ENOX1: variants seen among roughly 807,000 people sequenced by gnomAD.
The protein encoded by ENOX1 is candidate growth-related and time keeping constitutive hydroquinone (NADH) oxidase.
Under a neutral mutation model 82.5 loss-of-function variants are expected in ENOX1, and 42 were observed. That is an observed-to-expected ratio of 0.51 (90% CI 0.40 to 0.66). The LOEUF (loss-of-function observed/expected upper bound fraction) is 0.66, where lower values mean the gene tolerates loss of function less well. Ranked by LOEUF, ENOX1 falls within the 30% of genes least tolerant of loss-of-function variation. The probability of loss-of-function intolerance (pLI) is 0.00; values close to 1 mark genes in which losing one functional copy is unlikely to be tolerated. For synonymous variants in ENOX1, 271 were observed against 282.2 expected (o/e 0.96, Z 0.40); for missense variants, 608 against 811.6 (o/e 0.75, Z 3.05).
chr13:43,265,322 T>C, intron 14 of ENOX1, 76 bp downstream of exon 14: 2 of 1,238,264 alleles, frequency 1.6e-6, no homozygotes, highest in Non-Finnish European at 2.3e-6. Context: ...CTTTATGTGG[T>C]AGATAAAGTG....
intron 2 of ENOX1, among the ~76,000 whole-genome samples, chr13:43,486,352 C>T (rs1407770): frequency 1.3e-3 from 205 of 151,876 alleles, no homozygotes; most frequent in African/African-American, 4.7e-3. Context: ...CCACTGCACT[C>T]GGGCCTGGGC....
chr13:43,254,404 T>A (rs2043630576), intron 14 of ENOX1, among the ~76,000 whole-genome samples: 1 of 152,236 alleles, frequency 6.6e-6, no homozygotes, highest in African/African-American at 2.4e-5. Context: ...CTTCTCTATG[T>A]GGTAATATCT....
chr13:43,398,637 C>T (rs1566118920), intron 5 of ENOX1, among the ~76,000 whole-genome samples: 1 of 152,060 alleles, frequency 6.6e-6, no homozygotes, highest in Non-Finnish European at 1.5e-5. Context: ...CCTTCCATCT[C>T]CTTCATTTCT....
intron 14 of ENOX1, among the ~76,000 whole-genome samples, chr13:43,237,202 G>A (rs968004416): frequency 1.3e-5 from 2 of 152,202 alleles, no homozygotes; most frequent in African/African-American, 4.8e-5. Flanking sequence ...TTTTTAAATT[G>A]AGTAGGTATG....
intron 14 of ENOX1, among the ~76,000 whole-genome samples, chr13:43,243,604 C>A (rs2042943484): frequency 6.6e-6 from 1 of 152,188 alleles, no homozygotes; most frequent in Non-Finnish European, 1.5e-5. Context: ...ACACCTTGAC[C>A]ATTTTAACCG....
rs2082017930 is a variant in ENOX1, at chr13:43,607,287, C to A, written c.-219+60192G>T. ...AAAAATCACAGAGTATTGGATTAGG[C>A]CAAAAGTGTGCATACAGAGTTTGTG... On this transcript the variant is annotated intron_variant, in intron 2 of 16. Transcript: ENST00000690772. 5.3e-5 allele frequency among the ~76,000 whole-genome samples: 8 copies of A among 152,090 alleles called. No homozygotes were observed. The South Asian group carries it at 1.7e-3, about 32-fold the overall frequency.
At chr13:43,574,251 T>C (rs1314527298) in intron 2 of ENOX1, among the ~76,000 whole-genome samples, 6 of 152,224 alleles carry the variant, frequency 3.9e-5, no homozygotes, top group Admixed American at 6.5e-5. Flanking sequence ...GTCAATCTGA[T>C]AGGAAAAAAC....
intron 8 of ENOX1, among the ~76,000 whole-genome samples, chr13:43,345,970 T>C (rs1469135438): frequency 6.6e-6 from 1 of 152,180 alleles, no homozygotes; most frequent in Non-Finnish European, 1.5e-5. Flanking sequence ...TAAACATACA[T>C]ACACTCCACA....
chr13:43,219,255 G>C (rs1392668808), intron 16 of ENOX1, among the ~76,000 whole-genome samples: 1 of 152,144 alleles, frequency 6.6e-6, no homozygotes, highest in Non-Finnish European at 1.5e-5. Flanking sequence ...TCAGAGTGAC[G>C]CATTCCCTCA....
intron 2 of ENOX1, among the ~76,000 whole-genome samples, chr13:43,637,940 C>G (rs997517005): frequency 1.3e-5 from 2 of 152,190 alleles, no homozygotes; most frequent in African/African-American, 2.4e-5. Flanking sequence ...TTATAATTTT[C>G]TGCTGGGAGT....
At chr13:43,233,003 C>T (rs2042359191) in intron 15 of ENOX1, among the ~76,000 whole-genome samples, 1 of 152,136 alleles carries the variant, frequency 6.6e-6, no homozygotes, top group Non-Finnish European at 1.5e-5. Flanking sequence ...ACACAGCTCC[C>T]AAACTTTGGC....
chr13:43,308,111 T>C (rs371201429), intron 11 of ENOX1, among the ~76,000 whole-genome samples: 2 of 151,622 alleles, frequency 1.3e-5, no homozygotes, highest in South Asian at 2.1e-4. Context: ...GACTCTGTCC[T>C]TGGCTTGCAT....
At chr13:43,276,778 T>C (rs2045060760) in intron 12 of ENOX1, among the ~76,000 whole-genome samples, 1 of 152,242 alleles carries the variant, frequency 6.6e-6, no homozygotes, top group Admixed American at 6.5e-5. Flanking sequence ...AGCCTGTCTC[T>C]GGGGAAGGAC....
At chr13:43,780,206 AATACAGTACC>A (rs1465697170) in intron 1 of ENOX1, among the ~76,000 whole-genome samples, 1 of 152,092 alleles carries the variant, frequency 6.6e-6, no homozygotes, top group African/African-American at 2.4e-5. Context: ...CCCAAAGCCA[AATACAGTACC>A]ATTTATATGG....
chr13:43,697,214 T>C (rs1433496662), intron 1 of ENOX1, among the ~76,000 whole-genome samples: 3 of 152,120 alleles, frequency 2.0e-5, no homozygotes, highest in African/African-American at 7.2e-5. Flanking sequence ...GGGGAACATA[T>C]GTAGGTAGGG....
At chr13:43,289,019 G>A (rs1305803526) in intron 12 of ENOX1, among the ~76,000 whole-genome samples, 1 of 152,054 alleles carries the variant, frequency 6.6e-6, no homozygotes, top group African/African-American at 2.4e-5. Flanking sequence ...CCAAGGAGGC[G>A]AAAGATCTCT....
intron 3 of ENOX1, among the ~76,000 whole-genome samples, chr13:43,479,331 AC>A (rs66514948): frequency 0.41 from 62,479 of 151,676 alleles, 13,625 homozygotes; most frequent in Non-Finnish European, 0.5. Context: ...AGTGAAAAAA[AC>A]AACTACTACT....
At chr13:43,541,580 C>A (rs1194747482) in intron 2 of ENOX1, among the ~76,000 whole-genome samples, 1 of 152,122 alleles carries the variant, frequency 6.6e-6, no homozygotes, top group Admixed American at 6.5e-5. Context: ...ACAAAAGGCA[C>A]AATGAACCTC....
chr13:43,662,419 G>A (rs2084780139), intron 2 of ENOX1, among the ~76,000 whole-genome samples: 1 of 152,126 alleles, frequency 6.6e-6, no homozygotes, highest in African/African-American at 2.4e-5. Flanking sequence ...TATTCCATTT[G>A]TCACTCACTG....
Sources: allele counts gnomAD v4.1 joint callset (sites outside exome capture counted in the v4.1 genomes callset), GRCh38; gene constraint gnomAD v4.1.1; transcripts MANE v1.5; gene names NCBI Gene and HGNC (gene_info 2026-07-23, HGNC 2026-07-21).